TENM2: variants seen among roughly 807,000 people sequenced by gnomAD.
The protein encoded by TENM2 is teneurin-2.
Under a neutral mutation model 245.2 loss-of-function variants are expected in TENM2, and 52 were observed. That is an observed-to-expected ratio of 0.21 (90% CI 0.17 to 0.27). The LOEUF is 0.27. Ranked by LOEUF, TENM2 falls within the 10% of genes least tolerant of loss-of-function variation. TENM2 has a pLI of 1.00. For missense variants in TENM2, 3,046 were observed against 3,666.8 expected, an observed-to-expected ratio of 0.83 and a Z score of 4.37; for synonymous variants, 1,363 against 1,438.9, an observed-to-expected ratio of 0.95 and a Z score of 1.19.
At chr5:167,586,721 T>A (rs868341462) in intron 2 of TENM2, among the ~76,000 whole-genome samples, 5 of 152,224 alleles carry the variant, frequency 3.3e-5, no homozygotes, top group African/African-American at 1.2e-4. Flanking sequence ...ATTCTATTAG[T>A]AGAGAATTAT....
the TENM2 span, among the ~76,000 whole-genome samples, chr5:167,099,931 G>T: frequency 6.6e-6 from 1 of 152,132 alleles, no homozygotes; most frequent in Non-Finnish European, 1.5e-5. Context: ...CTCAGGGTGG[G>T]CACTGCAGTA....
chr5:167,489,283 A>G (rs886163175), intron 2 of TENM2, among the ~76,000 whole-genome samples: 9 of 152,174 alleles, frequency 5.9e-5, no homozygotes, highest in Non-Finnish European at 8.8e-5. Flanking sequence ...ATCTGGCTCT[A>G]CTGACCTTTC....
intron 2 of TENM2, among the ~76,000 whole-genome samples, chr5:167,595,871 C>G (rs549982689): frequency 9.9e-5 from 15 of 152,230 alleles, no homozygotes; most frequent in Non-Finnish European, 1.8e-4. Flanking sequence ...CCTCTCCTCC[C>G]CCATAAAATA....
At chr5:167,928,713 G>T (rs1364244091) in intron 3 of TENM2, among the ~76,000 whole-genome samples, 1 of 151,656 alleles carries the variant, frequency 6.6e-6, no homozygotes, top group Non-Finnish European at 1.5e-5. Flanking sequence ...GGCAAACGTG[G>T]TGAAACCCCA....
chr5:167,724,932 A>T (rs925657850), intron 2 of TENM2, among the ~76,000 whole-genome samples: 1 of 152,182 alleles, frequency 6.6e-6, no homozygotes, highest in Non-Finnish European at 1.5e-5. Context: ...TTCTGGCAGA[A>T]ATCATCTTAC....
chr5:167,942,529 C>A (rs1425092086), intron 3 of TENM2, among the ~76,000 whole-genome samples: 1 of 152,108 alleles, frequency 6.6e-6, no homozygotes, highest in African/African-American at 2.4e-5. Context: ...TCTAGTGGAG[C>A]ACACCGGGAC....
chr5:167,383,115 T>C (rs1581897618), intron 2 of TENM2, among the ~76,000 whole-genome samples: 1 of 152,086 alleles, frequency 6.6e-6, no homozygotes, highest in East Asian at 1.9e-4. Flanking sequence ...TGTGTGTCTG[T>C]GTTGTGTGTG....
At chr5:167,617,701 G>T (rs1472068762) in intron 2 of TENM2, among the ~76,000 whole-genome samples, 1 of 152,094 alleles carries the variant, frequency 6.6e-6, no homozygotes, top group Non-Finnish European at 1.5e-5. Context: ...TGTAGCCAGC[G>T]AGCCTAATGC....
chr5:168,035,818 T>C (rs1787614372), intron 5 of TENM2, among the ~76,000 whole-genome samples: 1 of 152,190 alleles, frequency 6.6e-6, no homozygotes, highest in Non-Finnish European at 1.5e-5. Flanking sequence ...CCGGCAACCC[T>C]AGACCTTGGG....
At chr5:167,551,557 T>G (rs546799397) in intron 2 of TENM2, among the ~76,000 whole-genome samples, 59 of 152,266 alleles carry the variant, frequency 3.9e-4, no homozygotes, top group South Asian at 2.7e-3. Flanking sequence ...ATTTTATTTC[T>G]CCATAACACT....
intron 3 of TENM2, among the ~76,000 whole-genome samples, chr5:167,883,142 G>A (rs1774010790): frequency 6.6e-6 from 1 of 152,220 alleles, no homozygotes; most frequent in Admixed American, 6.5e-5. Flanking sequence ...GGCTGAAAAT[G>A]TTGATGGCAA....
At chr5:167,380,257 T>A (rs775137230) in intron 2 of TENM2, among the ~76,000 whole-genome samples, 14 of 152,148 alleles carry the variant, frequency 9.2e-5, no homozygotes, top group Non-Finnish European at 1.8e-4. Flanking sequence ...ATGATTACTA[T>A]GATGCTAAAA....
At chr5:167,836,691 C>T (rs1454294059) in intron 2 of TENM2, among the ~76,000 whole-genome samples, 1 of 152,052 alleles carries the variant, frequency 6.6e-6, no homozygotes, top group Admixed American at 6.5e-5. Context: ...TACTATAGGA[C>T]TCACAGGTTA....
chr5:167,869,710 TTGA>T (rs1772648641), intron 2 of TENM2, among the ~76,000 whole-genome samples: 1 of 152,188 alleles, frequency 6.6e-6, no homozygotes, highest in Admixed American at 6.5e-5. Context: ...TGGTGAAGGC[TTGA>T]TGAAGAATAT....
At chr5:166,996,955 G>A in the TENM2 span, among the ~76,000 whole-genome samples, 1 of 152,128 alleles carries the variant, frequency 6.6e-6, no homozygotes, top group Middle Eastern at 3.2e-3. Flanking sequence ...ATTCCTCACT[G>A]ATTTGTTTTA....
intron 2 of TENM2, among the ~76,000 whole-genome samples, chr5:167,588,753 T>C (rs1180940263): frequency 1.3e-5 from 2 of 152,328 alleles, no homozygotes; most frequent in Middle Eastern, 3.4e-3. Context: ...AGAACCTATG[T>C]AGAATTACTG....
At chr5:168,085,918 G>T (rs1324890999) in intron 7 of TENM2, among the ~76,000 whole-genome samples, 1 of 152,270 alleles carries the variant, frequency 6.6e-6, no homozygotes, top group Non-Finnish European at 1.5e-5. Flanking sequence ...CAGGAGGCCA[G>T]CAATGCTGCC....
At chr5:167,575,173 G>C (rs1027915903) in intron 2 of TENM2, among the ~76,000 whole-genome samples, 4 of 149,608 alleles carry the variant, frequency 2.7e-5, no homozygotes, top group African/African-American at 9.8e-5. Flanking sequence ...TTCTAATTAA[G>C]GATAACAGAA....
chr5:167,003,282 C>G, the TENM2 span, among the ~76,000 whole-genome samples: 1 of 152,054 alleles, frequency 6.6e-6, no homozygotes, highest in Non-Finnish European at 1.5e-5. Flanking sequence ...GTGTCTTCAC[C>G]CAAGAACACT....
Sources: allele counts gnomAD v4.1 joint callset (sites outside exome capture counted in the v4.1 genomes callset), GRCh38; gene constraint gnomAD v4.1.1; transcripts MANE v1.5; gene names NCBI Gene and HGNC (gene_info 2026-07-23, HGNC 2026-07-21).